TNFRSF1B: variants seen among roughly 807,000 people sequenced by gnomAD.
TNFRSF1B encodes the protein tumor necrosis factor receptor superfamily member 1B.
TNFRSF1B carries 19 observed loss-of-function variants against 44.6 expected under a neutral mutation model. The observed-to-expected ratio is 0.43, with a 90% CI of 0.30 to 0.62. The LOEUF (loss-of-function observed/expected upper bound fraction) is 0.62. Among genes scored for constraint, TNFRSF1B ranks in the 20% least tolerant of loss-of-function variants. The pLI is 0.16. For missense variants in TNFRSF1B, 541 were observed against 619.9 expected, an observed-to-expected ratio of 0.87 and a Z score of 1.35; for synonymous variants, 252 against 261.1, an observed-to-expected ratio of 0.97 and a Z score of 0.34.
chr1:12,191,102 A>G lies in TNFRSF1B; in HGVS notation c.307+17A>G, dbSNP rs766423031. 1 of 1,610,532 alleles carries G rather than the reference A, an allele frequency of 6.2e-7. No homozygotes were observed. Among genetic ancestry groups the G allele is most frequent in the Non-Finnish European group, 8.5e-7 (1 of 1,177,604 alleles). ...GTAGCTCTGGTGAGTAGGTTCAGAG[A>G]AAAAGGGGGCCCTTACACCCCTGCC... On this transcript the variant is annotated intron_variant, in intron 3 of 9. Transcript: ENST00000376259.
In TNFRSF1B at chr1:12,177,159, C is replaced by A. The variant is rs938415113; in HGVS notation, c.78+9990C>A. Among the ~76,000 whole-genome samples the A allele has an allele frequency of 4.6e-5, 7 of 152,150 alleles. No homozygotes were observed. Among genetic ancestry groups the A allele is most frequent in the African/African-American group, 1.7e-4 (7 of 41,438 alleles). On this transcript the variant is annotated intron_variant, in intron 1 of 9. Coordinates refer to ENST00000376259, the MANE Select transcript of TNFRSF1B (RefSeq NM_001066.3). The surrounding 1 kb of genome is among the most constrained non-coding windows in gnomAD (Gnocchi z 4.3). ...CTGGGACTACAGGCGTGCCCCACCA[C>A]GCCTGGCTAATTTTTTGTATTTTTT...
intron 1 of TNFRSF1B, among the ~76,000 whole-genome samples, chr1:12,172,952 T>G (rs1187028738): frequency 6.6e-6 from 1 of 152,306 alleles, no homozygotes; most frequent in African/African-American, 2.4e-5. Context: ...ATCTCCAACC[T>G]CTGTGCTGCT....
chr1:12,182,752 C>G (rs1487530230), intron 1 of TNFRSF1B, among the ~76,000 whole-genome samples: 1 of 152,226 alleles, frequency 6.6e-6, no homozygotes, highest in East Asian at 1.9e-4. Context: ...AGCAAATATC[C>G]CATTGTTTTC....
chr1:12,173,800 C>G (rs547609054), intron 1 of TNFRSF1B, among the ~76,000 whole-genome samples: 5 of 152,314 alleles, frequency 3.3e-5, no homozygotes, highest in African/African-American at 1.2e-4. Flanking sequence ...GACTGCGGGG[C>G]TGGGGCTCTG....
intron 1 of TNFRSF1B, among the ~76,000 whole-genome samples, chr1:12,174,163 T>C (rs1457936985): frequency 4.8e-5 from 3 of 62,686 alleles, no homozygotes; most frequent in African/African-American, 6.4e-5. Flanking sequence ...TTCTTCTTCT[T>C]CTCCTTCTCC....
At chr1:12,204,009 C>T (rs919493528) in intron 9 of TNFRSF1B, among the ~76,000 whole-genome samples, 11 of 152,216 alleles carry the variant, frequency 7.2e-5, no homozygotes, top group Admixed American at 5.2e-4. Flanking sequence ...GGATTACAGG[C>T]GTGAGCCAAC....
intron 4 of TNFRSF1B, 40 bp from the exon 5 acceptor site, chr1:12,192,391 A>C (rs1261911462): frequency 6.2e-7 from 1 of 1,602,432 alleles, no homozygotes; most frequent in South Asian, 1.1e-5. Flanking sequence ...TGTCCCGCAG[A>C]GTGTCTGAGT....
chr1:12,170,667 C>G (rs1243921767), intron 1 of TNFRSF1B, among the ~76,000 whole-genome samples: 1 of 152,116 alleles, frequency 6.6e-6, no homozygotes, highest in Non-Finnish European at 1.5e-5. Flanking sequence ...CAACTCACTT[C>G]TTACTTTTTT....
At chr1:12,174,214 CCTT>C (rs1260360585) in intron 1 of TNFRSF1B, among the ~76,000 whole-genome samples, 33 of 138,184 alleles carry the variant, frequency 2.4e-4, no homozygotes, top group African/African-American at 8.5e-4. Context: ...TTCTCCTTCT[CCTT>C]CTCCTTCTCC....
In TNFRSF1B at chr1:12,192,514, C is replaced by T. The variant is rs746890304; in HGVS notation, c.541C>T (p.Pro181Ser). The change falls in exon 5 of 10, where the codon CCC becomes TCC. Residue 181 changes from proline (P) to serine (S), a missense_variant. Coordinates refer to ENST00000376259, the MANE Select transcript of TNFRSF1B (RefSeq NM_001066.3). Reference sequence around the variant, plus strand: ...GACTTCATCCACGGATATTTGCAGGCCCCACCAGATGTGAGTAGCTGAGTC... The same window carrying T: ...GACTTCATCCACGGATATTTGCAGGTCCCACCAGATGTGAGTAGCTGAGTC... ...NTTSSTDICR[P>S]HQICNVVAIP... The T allele has an allele frequency of 6.2e-6, 10 of 1,614,102 alleles. No individual in the cohort carries two copies. Among genetic ancestry groups the T allele is most frequent in the South Asian group, 1.1e-5 (1 of 91,088 alleles).
At chr1:12,192,257 T>TGCATG in intron 4 of TNFRSF1B, 174 bp from the exon 5 acceptor site, 1 of 716,636 alleles carries the variant, frequency 1.4e-6, no homozygotes, top group Non-Finnish European at 2.5e-6. Context: ...TCTGTGTGTG[T>TGCATG]GCATGTGTGT....
intron 2 of TNFRSF1B, among the ~76,000 whole-genome samples, chr1:12,190,192 G>A (rs1639080879): frequency 6.6e-6 from 1 of 152,108 alleles, no homozygotes; most frequent in Non-Finnish European, 1.5e-5. Flanking sequence ...TTATTAACTG[G>A]AAGGGTCTCT....
At chr1:12,193,212 C>A in intron 6 of TNFRSF1B, 114 bp downstream of exon 6, 1 of 963,202 alleles carries the variant, frequency 1.0e-6, no homozygotes, top group Non-Finnish European at 1.6e-6. Context: ...GACCCTGTGC[C>A]CTGTCCTGGG....
chr1:12,194,027 T>G lies in TNFRSF1B; in HGVS notation c.860T>G (p.Val287Gly). Residue 287 changes from valine to glycine, a missense_variant, in exon 7 of 10, where the codon GTG (valine) becomes GGG (glycine). Physicochemically the swap from Val to Gly is moderately radical, Grantham distance 109. Transcript: ENST00000376259. The stretch of plus-strand genomic sequence containing the variant: ...GTGAACTGTGTCATCATGACCCAGG[T>G]GAAAAGTAAGAGTCCATCCTTCCTT... ...GVVNCVIMTQ[V>G]KKKPLCLQRE... 1 of 1,613,840 alleles carries G rather than the reference T, an allele frequency of 6.2e-7. No homozygotes were observed. Among genetic ancestry groups the G allele is most frequent in the Non-Finnish European group, 8.5e-7 (1 of 1,179,806 alleles).
In TNFRSF1B at chr1:12,207,126, G is replaced by A; in HGVS notation, c.*106G>A. ...CAGGCCCCCACCACTAGGACTCTGA[G>A]GCTCTTTCTGGGCCAAGTTCCTCTA... On this transcript the variant is annotated 3_prime_UTR_variant, in exon 10 of 10. Coordinates refer to ENST00000376259, the MANE Select transcript of TNFRSF1B (RefSeq NM_001066.3). 5 of 1,279,112 alleles carry A rather than the reference G, an allele frequency of 3.9e-6. No homozygotes were observed. In the South Asian group the frequency reaches 8.8e-5, roughly 22 times the overall value. The allele number at this position is 1,279,112 out of a possible 1,614,324, so 79.2% of individuals were successfully genotyped here. A position where few individuals can be genotyped will look rare whatever the true frequency, so the allele number is the denominator to read the frequency against.
intron 1 of TNFRSF1B, among the ~76,000 whole-genome samples, chr1:12,183,446 TTCTCTCTCTCTC>T (rs33995912): frequency 1.0e-4 from 15 of 147,250 alleles, no homozygotes; most frequent in African/African-American, 3.0e-4. Context: ...CTTTTATCTA[TTCTCTCTCTCTC>T]TCTCTCTCTC....
intron 1 of TNFRSF1B, among the ~76,000 whole-genome samples, chr1:12,185,963 C>T (rs552163555): frequency 5.0e-4 from 76 of 152,250 alleles, no homozygotes; most frequent in African/African-American, 1.5e-3. Flanking sequence ...GGGTGGGGTG[C>T]GGGCAGGGAG....
chr1:12,207,316 G>A lies in TNFRSF1B; in HGVS notation c.*296G>A, dbSNP rs1042315853. 2 of 361,648 alleles carry A rather than the reference G, an allele frequency of 5.5e-6. No individual in the cohort carries two copies. Among genetic ancestry groups the A allele is most frequent in the Non-Finnish European group, 9.9e-6 (2 of 202,660 alleles). The allele number at this position is 361,648 out of a possible 1,614,324, so 22.4% of individuals were successfully genotyped here. ...TCCCTGACTCTCTGTGACCTGCCCC[G>A]CCCAGCTGCACCTGCCAGCCTGGCT... On this transcript the variant is annotated 3_prime_UTR_variant, in exon 10 of 10. Coordinates refer to ENST00000376259, the MANE Select transcript of TNFRSF1B (RefSeq NM_001066.3).
chr1:12,189,418 G>A (rs1443299001), intron 2 of TNFRSF1B, among the ~76,000 whole-genome samples: 4 of 152,186 alleles, frequency 2.6e-5, no homozygotes, highest in African/African-American at 4.8e-5. Context: ...TCCCCAGCAC[G>A]TGGCGCAATG....
Sources: gnomAD v4.1 joint callset for allele counts (sites outside exome capture counted in the v4.1 genomes callset) on GRCh38, gnomAD v4.1.1 for gene constraint, Gnocchi (gnomAD v3.1) non-coding constraint, MANE v1.5 for transcripts, NCBI Gene and HGNC (gene_info 2026-07-23, HGNC 2026-07-21) for gene names.